Variants in PHACTR4 observed in about 807,000 individuals in gnomAD.
PHACTR4 encodes the protein protein phosphatase 1, regulatory subunit 124.
In PHACTR4, 51 loss-of-function variants were observed where a neutral mutation model predicts 72.7. The ratio of observed to expected loss-of-function variants is 0.70; its 90% confidence interval spans 0.56 to 0.89. The LOEUF (loss-of-function observed/expected upper bound fraction) is 0.89, where lower values mean the gene tolerates loss of function less well. PHACTR4 is among the 40% of genes least tolerant of loss of function. The probability of loss-of-function intolerance (pLI) is 0.00; values close to 1 mark genes in which losing one functional copy is unlikely to be tolerated. For synonymous variants in PHACTR4, 255 were observed against 302.5 expected, an observed-to-expected ratio of 0.84 and a Z score of 1.63; for missense variants, 731 against 861.8, an observed-to-expected ratio of 0.85 and a Z score of 1.90.
rs141350131 is a variant in PHACTR4 at position 28,443,055 on chromosome 1, A to G, written c.17-16030A>G. Among the ~76,000 whole-genome samples, 1,138 of 151,924 alleles carry G rather than the reference A, an allele frequency of 7.5e-3. 6 individuals carry two copies. The highest frequency in any genetic ancestry group is 0.012 in the Non-Finnish European group (835 of 67,928). On this transcript the variant is annotated intron_variant, in intron 2 of 13. Transcript: ENST00000373839. ...TCTAGCTGTAATTTTGTATTCTTTA[A>G]CAAATCTTTCCCTACCCATCCCTTC... is the stretch of plus-strand genomic sequence containing the variant.
intron 9 of PHACTR4, among the ~76,000 whole-genome samples, chr1:28,484,175 G>T (rs1278201165): frequency 6.6e-6 from 1 of 152,070 alleles, no homozygotes; most frequent in Non-Finnish European, 1.5e-5. Flanking sequence ...ACAAAAATTA[G>T]CCAGGCGTGG....
At chr1:28,384,083 T>C (rs1351956588) in intron 1 of PHACTR4, among the ~76,000 whole-genome samples, 1 of 152,218 alleles carries the variant, frequency 6.6e-6, no homozygotes, top group Non-Finnish European at 1.5e-5. Flanking sequence ...TTGAGGATTT[T>C]TGCATTGATA....
Position 28,397,346 on chromosome 1 carries a change from G to A in PHACTR4, c.-38-10064G>A, listed in dbSNP as rs1480994694. 2.0e-5 allele frequency among the ~76,000 whole-genome samples: 3 copies of A among 152,226 alleles called. No individual in the cohort carries two copies. In the East Asian group the frequency reaches 5.8e-4, roughly 29 times the overall value. ...AAATTATTCTGCAATATTATCTTTT[G>A]TAACCAAAATCATTAACCAGTTTGT... is the stretch of plus-strand genomic sequence containing the variant. On this transcript the variant is annotated intron_variant, in intron 1 of 13. Transcript: ENST00000373839.
intron 2 of PHACTR4, among the ~76,000 whole-genome samples, chr1:28,429,161 G>A (rs547254295): frequency 6.6e-6 from 1 of 152,270 alleles, no homozygotes; most frequent in East Asian, 1.9e-4. Context: ...TGATTCCAGT[G>A]GCCCTGCCTT....
At chr1:28,385,189 C>G (rs1473069523) in intron 1 of PHACTR4, among the ~76,000 whole-genome samples, 1 of 152,110 alleles carries the variant, frequency 6.6e-6, no homozygotes, top group Non-Finnish European at 1.5e-5. Flanking sequence ...TATGATATAT[C>G]TTTGTTTTCA....
intron 2 of PHACTR4, among the ~76,000 whole-genome samples, chr1:28,424,741 G>T (rs942602098): frequency 5.9e-5 from 9 of 152,024 alleles, no homozygotes; most frequent in African/African-American, 2.2e-4. Context: ...GCCCGCCTCA[G>T]CCTCCCAAAG....
At chr1:28,424,918 C>G (rs1055729205) in intron 2 of PHACTR4, among the ~76,000 whole-genome samples, 1 of 152,048 alleles carries the variant, frequency 6.6e-6, no homozygotes, top group African/African-American at 2.4e-5. Flanking sequence ...CCTCAGCCTC[C>G]TGGGAAGCTG....
intron 1 of PHACTR4, among the ~76,000 whole-genome samples, chr1:28,393,207 T>G (rs1403837981): frequency 1.3e-5 from 2 of 152,166 alleles, no homozygotes; most frequent in Non-Finnish European, 2.9e-5. Flanking sequence ...CCAATAAGAT[T>G]GGGAATTTTA....
intron 2 of PHACTR4, among the ~76,000 whole-genome samples, chr1:28,413,855 A>G (rs1481119305): frequency 2.6e-5 from 4 of 152,192 alleles, no homozygotes; most frequent in African/African-American, 9.7e-5. Context: ...GAAGCTTTAA[A>G]TGTATAGGCA....
chr1:28,472,272 G>A (rs76830948), intron 6 of PHACTR4, among the ~76,000 whole-genome samples: 2 of 152,132 alleles, frequency 1.3e-5, no homozygotes, highest in East Asian at 1.9e-4. Context: ...GATACCAGCT[G>A]AGTCCATGCC....
chr1:28,427,402 T>C (rs1283610959), intron 2 of PHACTR4, among the ~76,000 whole-genome samples: 1 of 152,102 alleles, frequency 6.6e-6, no homozygotes, highest in African/African-American at 2.4e-5. Context: ...GGTGCGCACC[T>C]GTAATCCCAG....
intron 6 of PHACTR4, among the ~76,000 whole-genome samples, chr1:28,470,325 C>T (rs1280949139): frequency 6.6e-6 from 1 of 151,832 alleles, no homozygotes; most frequent in Admixed American, 6.6e-5. Context: ...CACAGGAGTT[C>T]AAGGCTGCAG....
intron 2 of PHACTR4, among the ~76,000 whole-genome samples, chr1:28,456,834 CTGTG>C: frequency 6.6e-6 from 1 of 151,166 alleles, no homozygotes; most frequent in South Asian, 2.2e-4. Context: ...GCTCAGTGAG[CTGTG>C]ATTGTGCCAC....
chr1:28,436,047 T>C (rs1303507259), intron 2 of PHACTR4, among the ~76,000 whole-genome samples: 1 of 152,232 alleles, frequency 6.6e-6, no homozygotes, highest in Non-Finnish European at 1.5e-5. Context: ...TTTCCCTTAC[T>C]GATGCCTTAG....
intron 9 of PHACTR4, among the ~76,000 whole-genome samples, chr1:28,488,739 T>C (rs1011274145): frequency 2.0e-5 from 3 of 152,220 alleles, no homozygotes; most frequent in African/African-American, 7.2e-5. Context: ...TCATTTTTCA[T>C]CCTGATTTTC....
chr1:28,420,353 C>A (rs764145690), intron 2 of PHACTR4, among the ~76,000 whole-genome samples: 8 of 152,148 alleles, frequency 5.3e-5, no homozygotes, highest in Non-Finnish European at 1.2e-4. Context: ...ATACTGAGTT[C>A]TCACAAGATC....
At chr1:28,440,307 G>GAAAAA (rs1206889147) in intron 2 of PHACTR4, among the ~76,000 whole-genome samples, 1 of 82,116 alleles carries the variant, frequency 1.2e-5, no homozygotes, top group Non-Finnish European at 2.2e-5. Flanking sequence ...GTCTCAAAAA[G>GAAAAA]AAAAAAAAAA....
At chr1:28,436,996 A>G (rs1656678219) in intron 2 of PHACTR4, among the ~76,000 whole-genome samples, 1 of 152,154 alleles carries the variant, frequency 6.6e-6, no homozygotes, top group Admixed American at 6.6e-5. Flanking sequence ...TAGTAAGCAG[A>G]TTTTCAGAAA....
chr1:28,424,607 G>T (rs894763571), intron 2 of PHACTR4, among the ~76,000 whole-genome samples: 2 of 151,910 alleles, frequency 1.3e-5, no homozygotes, highest in Admixed American at 1.3e-4. Context: ...TCCTGCCTCA[G>T]CCTCCCAAGT....
Sources: gnomAD v4.1 joint callset for allele counts (sites outside exome capture counted in the v4.1 genomes callset) on GRCh38, gnomAD v4.1.1 for gene constraint, MANE v1.5 for transcripts, NCBI Gene and HGNC (gene_info 2026-07-23, HGNC 2026-07-21) for gene names.